Variants in ZNF708 observed in about 807,000 individuals in gnomAD.
ZNF708 encodes zinc finger protein 708.
A neutral mutation model predicts 47.0 loss-of-function variants in ZNF708; 44 were observed. That is an observed-to-expected ratio of 0.94 (90% CI 0.74 to 1.20). The LOEUF is 1.20. Among genes scored for constraint, ZNF708 ranks in the 50% most tolerant of loss-of-function variants. The pLI is 0.00. For synonymous variants in ZNF708, 184 were observed against 218.5 expected (o/e 0.84, Z 1.39); for missense variants, 557 against 656.0 (o/e 0.85, Z 1.65).
intron 3 of ZNF708, among the ~76,000 whole-genome samples, chr19:21,299,961 A>G (rs1041789435): frequency 1.3e-5 from 2 of 152,108 alleles, no homozygotes; most frequent in African/African-American, 4.8e-5. Flanking sequence ...TCACTTAGAC[A>G]GGATTAAACA....
intron 1 of ZNF708, among the ~76,000 whole-genome samples, chr19:21,310,933 G>GA (rs1301384881): frequency 6.6e-6 from 1 of 152,150 alleles, no homozygotes; most frequent in Non-Finnish European, 1.5e-5. Context: ...ACATCATACA[G>GA]AATGACTTGT....
intron 1 of ZNF708, among the ~76,000 whole-genome samples, chr19:21,323,261 T>C (rs1298955639): frequency 1.3e-5 from 2 of 152,240 alleles, no homozygotes; most frequent in African/African-American, 4.8e-5. Context: ...ACACCGACTC[T>C]GCACATTTTT....
chr19:21,317,696 G>A (rs555574480), intron 1 of ZNF708, among the ~76,000 whole-genome samples: 1 of 152,326 alleles, frequency 6.6e-6, no homozygotes, highest in African/African-American at 2.4e-5. Flanking sequence ...TGCAAAGACA[G>A]AAAGATAGTC....
chr19:21,317,908 C>G (rs1305807030), intron 1 of ZNF708, among the ~76,000 whole-genome samples: 1 of 152,210 alleles, frequency 6.6e-6, no homozygotes, highest in Admixed American at 6.5e-5. Context: ...CTCTCAGTCT[C>G]CTACTACAAT....
intron 3 of ZNF708, among the ~76,000 whole-genome samples, chr19:21,302,376 T>C (rs909799218): frequency 6.6e-6 from 1 of 152,154 alleles, no homozygotes; most frequent in Admixed American, 6.6e-5. Flanking sequence ...TTGTATTAAA[T>C]TGAAGTTGTT....
Position 21,294,562 on chromosome 19 carries a change from G to A in ZNF708, c.404C>T (p.Thr135Ile), listed in dbSNP as rs764540101. Residue 135 changes from threonine (T) to isoleucine (I), a missense_variant, in exon 4 of 4, where the codon ACC becomes ATC. Transcript: ENST00000356929. ...HKGLNRCVTT[T>I]QSKIVQCDKY... ...GTCACACTGAACTATTTTGCTCTGG[G>A]TAGTTGTCACACACCGGTTAAGTCC... 9 of 1,613,914 alleles carry A rather than the reference G, an allele frequency of 5.6e-6. No homozygotes were observed. The highest frequency in any genetic ancestry group is 7.6e-6 in the Non-Finnish European group (9 of 1,179,978).
intron 1 of ZNF708, among the ~76,000 whole-genome samples, chr19:21,324,729 T>C (rs1048318010): frequency 5.9e-5 from 9 of 152,194 alleles, no homozygotes; most frequent in Admixed American, 2.0e-4. Flanking sequence ...AAAAGTCATA[T>C]AGTAAACAAT....
chr19:21,319,215 C>T (rs1973076422), intron 1 of ZNF708, among the ~76,000 whole-genome samples: 1 of 152,062 alleles, frequency 6.6e-6, no homozygotes, highest in Non-Finnish European at 1.5e-5. Flanking sequence ...GATAACTATG[C>T]TAATTGTTCT....
chr19:21,296,458 T>C (rs910246246), intron 3 of ZNF708, among the ~76,000 whole-genome samples: 1 of 152,002 alleles, frequency 6.6e-6, no homozygotes, highest in Non-Finnish European at 1.5e-5. Flanking sequence ...GCCAAGATCA[T>C]GCCATTGCAC....
chr19:21,303,031 T>C (rs1052455786), intron 3 of ZNF708, among the ~76,000 whole-genome samples: 4 of 152,166 alleles, frequency 2.6e-5, no homozygotes, highest in African/African-American at 7.2e-5. Flanking sequence ...GCTGATCACT[T>C]GATCCCAGGA....
At chr19:21,318,256 T>G (rs574024985) in intron 1 of ZNF708, 33 of 152,322 alleles carry the variant, frequency 2.2e-4, no homozygotes, top group Admixed American at 1.8e-3. Flanking sequence ...CAATTTATTA[T>G]GGTGACTTGA....
chr19:21,323,917 T>C (rs514390), intron 1 of ZNF708, among the ~76,000 whole-genome samples: 30,048 of 152,168 alleles, frequency 0.2, 3,234 homozygotes, highest in Non-Finnish European at 0.24. Context: ...TTAATTTCCA[T>C]GTCAAGAGTT....
At chr19:21,299,795 T>C (rs1413512204) in intron 3 of ZNF708, among the ~76,000 whole-genome samples, 1 of 152,000 alleles carries the variant, frequency 6.6e-6, no homozygotes, top group East Asian at 1.9e-4. Flanking sequence ...AAAAATTGTT[T>C]TTTTAATTCT....
intron 1 of ZNF708, chr19:21,318,289 G>A (rs990793240): frequency 3.3e-5 from 5 of 152,194 alleles, no homozygotes; most frequent in African/African-American, 1.2e-4. Flanking sequence ...TGGATTTCCA[G>A]CATGAGTCCA....
chr19:21,300,326 G>A (rs780135455), intron 3 of ZNF708, among the ~76,000 whole-genome samples: 21 of 152,010 alleles, frequency 1.4e-4, no homozygotes, highest in Non-Finnish European at 2.6e-4. Context: ...CCTCAACATG[G>A]AGAAACCCCA....
At chr19:21,315,450 C>A (rs1405852852) in intron 1 of ZNF708, among the ~76,000 whole-genome samples, 4 of 152,146 alleles carry the variant, frequency 2.6e-5, no homozygotes, top group Non-Finnish European at 5.9e-5. Context: ...AAGCAAAGTA[C>A]AATCAAAGGA....
chr19:21,310,608 T>C lies in ZNF708; in HGVS notation c.23A>G (p.Asp8Gly), dbSNP rs758540742. 5 of 1,540,702 alleles carry C rather than the reference T, an allele frequency of 3.2e-6. No homozygotes were observed. Among genetic ancestry groups the C allele is most frequent in the South Asian group, 1.3e-5 (1 of 79,338 alleles). Reference protein sequence around the residue: MGPLTFMDVAIEFSLEEW... With the variant: MGPLTFMGVAIEFSLEEW... ...CTCCAGAGAGAATTCTATGGCCACA[T>C]CCATAAATGTCAATGGTCCCTGAAA... Residue 8 changes from aspartate to glycine, a missense_variant, in exon 2 of 4, where the codon GAT becomes GGT. Asp to Gly is a moderately conservative substitution (Grantham distance 94, BLOSUM62 -1). Coordinates refer to ENST00000356929, the MANE Select transcript of ZNF708 (RefSeq NM_021269.3).
intron 3 of ZNF708, among the ~76,000 whole-genome samples, chr19:21,305,451 T>A (rs762838926): frequency 1.8e-4 from 27 of 151,622 alleles, no homozygotes; most frequent in Middle Eastern, 3.4e-3. Flanking sequence ...TAGTTTATTT[T>A]TTTATTTTTA....
At chr19:21,317,827 A>C (rs1386769420) in intron 1 of ZNF708, among the ~76,000 whole-genome samples, 4 of 152,212 alleles carry the variant, frequency 2.6e-5, no homozygotes. Flanking sequence ...TCAATGACAA[A>C]ATAAACTTTT....
Sources: allele counts gnomAD v4.1 joint callset (sites outside exome capture counted in the v4.1 genomes callset), GRCh38; gene constraint gnomAD v4.1.1; transcripts MANE v1.5; gene names NCBI Gene and HGNC (gene_info 2026-07-23, HGNC 2026-07-21).